The following MON1A variants were observed in gnomAD, a reference collection of about 807,000 sequenced individuals.
The protein encoded by MON1A is MON1 vesicular trafficking associated A.
A neutral mutation model predicts 44.6 loss-of-function variants in MON1A; 29 were observed. The ratio of observed to expected loss-of-function variants is 0.65; its 90% CI spans 0.48 to 0.89. The LOEUF is 0.89. Among genes scored for constraint, MON1A ranks in the 40% least tolerant of loss-of-function variants. The pLI is 0.00. For missense variants in MON1A, 615 were observed against 759.6 expected (o/e 0.81, Z 2.24); for synonymous variants, 275 against 316.4 (o/e 0.87, Z 1.39).
chr3:49,910,961 T>TC lies in MON1A; in HGVS notation c.614-78dup, dbSNP rs2082871341. ...GAAAACCGCCTTCCAGCGCAGCTCT[T>TC]CGCTTTCCCCATCCTTTCCTCGCTC... On this transcript the variant is annotated intron_variant, in intron 3 of 5. Transcript: ENST00000296473. This position sits in a 1 kb window ranked among gnomAD's most constrained non-coding sequence, Gnocchi z 8.0. The TC allele has an allele frequency of 7.2e-7, 1 of 1,397,076 alleles. No individual in the cohort carries two copies. The highest frequency in any genetic ancestry group is 2.2e-5 in the Admixed American group (1 of 45,616). 86.5% of individuals were successfully genotyped at this position (1,397,076 alleles called of 1,614,324 possible).
At chr3:49,917,732 G>A (rs934850106) in intron 1 of MON1A, among the ~76,000 whole-genome samples, 4 of 151,908 alleles carry the variant, frequency 2.6e-5, no homozygotes, top group Non-Finnish European at 4.4e-5. Context: ...CCATTTCACC[G>A]AGAAGACAGA....
At chr3:49,922,950 C>A (rs2083014344) in intron 1 of MON1A, among the ~76,000 whole-genome samples, 1 of 151,600 alleles carries the variant, frequency 6.6e-6, no homozygotes, top group Non-Finnish European at 1.5e-5. Context: ...ACCTGGTGAT[C>A]CGCCTGCCTT....
chr3:49,920,494 G>A (rs552242650), intron 1 of MON1A: 9 of 152,126 alleles, frequency 5.9e-5, no homozygotes, highest in Non-Finnish European at 1.3e-4. Context: ...ACATTTAACT[G>A]TCTACTTCAT....
rs2082877591 is a variant in MON1A at position 49,911,217 on chromosome 3, G to GATAGGTAGATAGATAGATGATAGATAC, written c.613+308_613+309insGTATCTATCATCTATCTATCTACCTAT. On this transcript the variant is annotated intron_variant, in intron 3 of 5. Coordinates refer to ENST00000296473, the MANE Select transcript of MON1A (RefSeq NM_032355.4). The surrounding 1 kb of genome is among the most constrained non-coding windows in gnomAD (Gnocchi z 5.7). The stretch of plus-strand genomic sequence containing the variant: ...AGATAGATAGATAGATAGATAGATA[G>GATAGGTAGATAGATAGATGATAGATAC]ATAGATAGATAGATAGATAGATAGA... Among the ~76,000 whole-genome samples, 1 of 143,172 alleles carries GATAGGTAGATAGATAGATGATAGATAC rather than the reference G, an allele frequency of 7.0e-6. No individual in the cohort carries two copies. Among genetic ancestry groups the GATAGGTAGATAGATAGATGATAGATAC allele is most frequent in the Non-Finnish European group, 1.5e-5 (1 of 66,800 alleles). The allele number at this position is 143,172 out of a possible 152,430, so 93.9% of individuals were successfully genotyped here.
In MON1A at chr3:49,911,955, C is replaced by T; in HGVS notation, c.184G>A (p.Glu62Lys). ...CCAGAAGCTGCCCCATCCTCTGACT[C>T]AGTCAGGTCCTCGTAGGAACGGGCA... The part of the protein sequence containing the change: ...VHARSYEDLT[E>K]SEDGAASGDS... The change falls in exon 3 of 6, where the codon GAG becomes AAG. Residue 62 changes from glutamate (E) to lysine (K), a missense_variant. Physicochemically the swap from Glu to Lys is moderately conservative, Grantham distance 56 (BLOSUM62 1). Transcript: ENST00000296473. The surrounding 1 kb of genome is among the most constrained non-coding windows in gnomAD (Gnocchi z 5.7). The T allele has an allele frequency of 6.2e-7, 1 of 1,612,662 alleles. No individual in the cohort carries two copies. Among genetic ancestry groups the T allele is most frequent in the African/African-American group, 1.3e-5 (1 of 75,058 alleles).
chr3:49,919,278 A>G (rs2082975580), intron 1 of MON1A, among the ~76,000 whole-genome samples: 1 of 152,170 alleles, frequency 6.6e-6, no homozygotes, highest in Non-Finnish European at 1.5e-5. Flanking sequence ...TGTTTGTTTT[A>G]CTTCAAAGTT....
intron 2 of MON1A, 50 bp downstream of exon 2, chr3:49,913,170 T>C: frequency 1.2e-6 from 2 of 1,613,776 alleles, no homozygotes; most frequent in Non-Finnish European, 1.7e-6. Context: ...TAATTCCCCC[T>C]GGAGACTGCT....
intron 1 of MON1A, among the ~76,000 whole-genome samples, chr3:49,925,261 T>C (rs1178994446): frequency 6.6e-6 from 1 of 151,970 alleles, no homozygotes; most frequent in Non-Finnish European, 1.5e-5. Flanking sequence ...ACCACAGGCA[T>C]GTGCCACCAT....
At chr3:49,919,047 G>C (rs2082972936) in intron 1 of MON1A, among the ~76,000 whole-genome samples, 1 of 152,108 alleles carries the variant, frequency 6.6e-6, no homozygotes, top group African/African-American at 2.4e-5. Context: ...ACCAGGTGTG[G>C]TGGCATGCAC....
At chr3:49,912,094 A>G in intron 2 of MON1A, 83 bp from the exon 3 acceptor site, 1 of 1,466,222 alleles carries the variant, frequency 6.8e-7, no homozygotes, top group Middle Eastern at 2.0e-4. Context: ...TGGTCACTCC[A>G]GCATGACTGC....
At chr3:49,913,508 A>AT (rs1032101985) in intron 1 of MON1A, 149 bp from the exon 2 acceptor site, 11 of 706,002 alleles carry the variant, frequency 1.6e-5, no homozygotes, top group African/African-American at 5.4e-5. Context: ...CTTTCAAAAA[A>AT]ATATATACTG....
At chr3:49,918,516 A>C in intron 1 of MON1A, among the ~76,000 whole-genome samples, 1 of 151,114 alleles carries the variant, frequency 6.6e-6, no homozygotes, top group African/African-American at 2.4e-5. Flanking sequence ...GATTCAAGCG[A>C]TTCTCCTGCC....
At chr3:49,913,454 G>A (rs2082910950) in intron 1 of MON1A, 95 bp from the exon 2 acceptor site, 1 of 1,199,724 alleles carries the variant, frequency 8.3e-7, no homozygotes, top group Non-Finnish European at 1.2e-6. Flanking sequence ...CCTTTATCAG[G>A]ACTCCACTAA....
intron 1 of MON1A, among the ~76,000 whole-genome samples, chr3:49,919,209 G>A (rs1575476918): frequency 6.6e-6 from 1 of 152,028 alleles, no homozygotes; most frequent in African/African-American, 2.4e-5. Flanking sequence ...ACAATTTTGG[G>A]GGTGTTCGCT....
At chr3:49,921,207 G>C (rs1439650870) in intron 1 of MON1A, among the ~76,000 whole-genome samples, 1 of 151,538 alleles carries the variant, frequency 6.6e-6, no homozygotes, top group Non-Finnish European at 1.5e-5. Context: ...GCCTGGACTG[G>C]AGTGCAGTGG....
Position 49,909,058 on chromosome 3 carries a change from T to C in MON1A, c.1624A>G (p.Lys542Glu), listed in dbSNP as rs753428764. 1.2e-6 allele frequency: 2 copies of C among 1,613,908 alleles called. No homozygotes were observed. Among genetic ancestry groups the C allele is most frequent in the Non-Finnish European group, 1.7e-6 (2 of 1,179,918 alleles). ...AGAATGAAGAGGCGGTCTTCCTCTT[T>C]GCGGATCCAGCGCATCAGCTTATGG... ...AIHKLMRWIR[K>E]EEDRLFILTP... Residue 542 changes from lysine (K) to glutamate (E), a missense_variant, in exon 6 of 6, where the codon AAA becomes GAA. Coordinates refer to ENST00000296473, the MANE Select transcript of MON1A (RefSeq NM_032355.4). The surrounding 1 kb of genome is among the most constrained non-coding windows in gnomAD (Gnocchi z 4.0).
chr3:49,910,649 T>G lies in MON1A; in HGVS notation c.849A>C (p.Ala283=), dbSNP rs1488606610. Residue 283 remains alanine (A), a synonymous_variant, in exon 4 of 6, where the codon GCA becomes GCC. Transcript: ENST00000296473. The surrounding 1 kb of genome is among the most constrained non-coding windows in gnomAD (Gnocchi z 8.0). Reference sequence around the variant, plus strand: ...CCCCCATCAGGAAGCTGGGGTCTCGTGCCATGAGCTGCAGCAGGTTGTCGG... The same window carrying G: ...CCCCCATCAGGAAGCTGGGGTCTCGGGCCATGAGCTGCAGCAGGTTGTCGG... ...RITDNLLQLM[A]RDPSFLMGAA... 1 of 1,605,068 alleles carries G rather than the reference T, an allele frequency of 6.2e-7. No individual in the cohort carries two copies. The highest frequency in any genetic ancestry group is 8.5e-7 in the Non-Finnish European group (1 of 1,174,562).
chr3:49,920,687 A>T (rs1315592353), intron 1 of MON1A: 2 of 151,942 alleles, frequency 1.3e-5, no homozygotes, highest in African/African-American at 4.8e-5. Context: ...AAAATATGAA[A>T]ATTAGCTGGG....
chr3:49,912,180 C>G (rs2082894097), intron 2 of MON1A, among the ~76,000 whole-genome samples, 169 bp from the exon 3 acceptor site: 1 of 152,178 alleles, frequency 6.6e-6, no homozygotes, highest in South Asian at 2.1e-4. Flanking sequence ...CAACTTACAG[C>G]CCACCAGTCT....
Sources: gnomAD v4.1 joint callset for allele counts (sites outside exome capture counted in the v4.1 genomes callset) on GRCh38, gnomAD v4.1.1 for gene constraint, Gnocchi (gnomAD v3.1) non-coding constraint, MANE v1.5 for transcripts, NCBI Gene and HGNC (gene_info 2026-07-23, HGNC 2026-07-21) for gene names.